The following CNBD1 variants were observed in gnomAD, a reference collection of about 807,000 sequenced individuals.
The protein encoded by CNBD1 is cyclic nucleotide-binding domain-containing protein 1.
A neutral mutation model predicts 54.4 loss-of-function variants in CNBD1; 71 were observed. The ratio of observed to expected loss-of-function variants is 1.30; its 90% CI spans 1.08 to 1.59. The LOEUF (loss-of-function observed/expected upper bound fraction) is 1.59, where lower values mean the gene tolerates loss of function less well. Among genes scored for constraint, CNBD1 ranks in the 40% most tolerant of loss-of-function variants. The probability of loss-of-function intolerance (pLI) is 0.00; values close to 1 mark genes in which losing one functional copy is unlikely to be tolerated. For synonymous variants in CNBD1, 182 were observed against 170.7 expected (o/e 1.07, Z -0.51); for missense variants, 659 against 518.0 (o/e 1.27, Z -2.64).
intron 4 of CNBD1, among the ~76,000 whole-genome samples, chr8:87,190,367 G>A (rs965336586): frequency 1.3e-5 from 2 of 152,064 alleles, no homozygotes; most frequent in Non-Finnish European, 2.9e-5. Flanking sequence ...CCCAGCTGAT[G>A]ACCTAAATTT....
chr8:87,153,885 T>C (rs558227509), intron 4 of CNBD1, among the ~76,000 whole-genome samples: 4 of 152,086 alleles, frequency 2.6e-5, no homozygotes, highest in African/African-American at 9.6e-5. Context: ...ATAAGTAAGG[T>C]GGTTAAGTAA....
At chr8:87,113,625 A>G (rs1172611079) in intron 4 of CNBD1, among the ~76,000 whole-genome samples, 2 of 152,306 alleles carry the variant, frequency 1.3e-5, no homozygotes, top group South Asian at 2.1e-4. Context: ...ACTTACCTCA[A>G]AAAGAAATGA....
intron 2 of CNBD1, among the ~76,000 whole-genome samples, chr8:86,891,632 G>A (rs914187933): frequency 6.6e-6 from 1 of 152,008 alleles, no homozygotes; most frequent in African/African-American, 2.4e-5. Flanking sequence ...GATGACATTG[G>A]AATTGTGATA....
intron 2 of CNBD1, among the ~76,000 whole-genome samples, chr8:87,416,085 T>C (rs375427205): frequency 7.9e-5 from 12 of 152,068 alleles, no homozygotes; most frequent in African/African-American, 2.6e-4. Context: ...AATACAACAA[T>C]GTTCTCAGAA....
At chr8:87,013,156 C>T (rs771596591) in intron 4 of CNBD1, among the ~76,000 whole-genome samples, 2 of 152,206 alleles carry the variant, frequency 1.3e-5, no homozygotes, top group Non-Finnish European at 2.9e-5. Flanking sequence ...AATTCAAGCT[C>T]CTCCTCCAGT....
chr8:87,257,369 C>CAAAAAAAAAAAAAAAAAAA (rs771338208), intron 6 of CNBD1, among the ~76,000 whole-genome samples: 6 of 67,516 alleles, frequency 8.9e-5, no homozygotes, highest in Non-Finnish European at 1.8e-4. Flanking sequence ...AACTCTATCG[C>CAAAAAAAAAAAAAAAAAAA]AAAAAAAAAA....
intron 4 of CNBD1, among the ~76,000 whole-genome samples, chr8:86,971,979 G>A (rs960605455): frequency 2.1e-4 from 32 of 151,248 alleles, no homozygotes; most frequent in Admixed American, 1.1e-3. Context: ...TTGAGACAGG[G>A]TCTCATTCTG....
At chr8:87,357,176 C>A (rs943885875) in intron 10 of CNBD1, among the ~76,000 whole-genome samples, 1 of 152,186 alleles carries the variant, frequency 6.6e-6, no homozygotes, top group African/African-American at 2.4e-5. Flanking sequence ...CCACAGAGAG[C>A]CTCTATAAGA....
At chr8:87,337,950 T>G (rs912577876) in intron 8 of CNBD1, among the ~76,000 whole-genome samples, 1 of 151,990 alleles carries the variant, frequency 6.6e-6, no homozygotes, top group Non-Finnish European at 1.5e-5. Context: ...GTTTTCTATT[T>G]GTCACCCTTG....
intron 10 of CNBD1, among the ~76,000 whole-genome samples, chr8:87,370,556 C>T (rs1810760184): frequency 6.6e-6 from 1 of 151,964 alleles, no homozygotes. Context: ...TGTCCTTTGC[C>T]CACTTTTTGA....
chr8:86,942,220 A>G (rs533083440), intron 4 of CNBD1, among the ~76,000 whole-genome samples: 2 of 152,290 alleles, frequency 1.3e-5, no homozygotes, highest in East Asian at 1.9e-4. Context: ...TCCACAATCT[A>G]TGTTTGTTCT....
chr8:87,145,455 C>A (rs1812463583), intron 4 of CNBD1, among the ~76,000 whole-genome samples: 1 of 151,918 alleles, frequency 6.6e-6, no homozygotes, highest in South Asian at 2.1e-4. Flanking sequence ...AATGAAATAA[C>A]CCCAGATCCC....
chr8:87,135,091 T>C (rs1346714069), intron 4 of CNBD1, among the ~76,000 whole-genome samples: 4 of 152,124 alleles, frequency 2.6e-5, no homozygotes, highest in African/African-American at 4.8e-5. Flanking sequence ...TTTCCATTTA[T>C]AATGAGAAAC....
intron 5 of CNBD1, among the ~76,000 whole-genome samples, chr8:87,217,241 C>T (rs1277404782): frequency 6.6e-6 from 1 of 151,666 alleles, no homozygotes. Context: ...ATAAATAGAC[C>T]AAAAGTCAAA....
At position 87,208,410 on chromosome 8, in the gene CNBD1, TTAA is replaced by T. The variant is rs577742921; in HGVS notation, c.577+2275_577+2277del. Among the ~76,000 whole-genome samples the T allele has an allele frequency of 8.1e-4, 123 of 151,874 alleles. 1 individual carries two copies. Among genetic ancestry groups the T allele is most frequent in the African/African-American group, 2.8e-3 (117 of 41,492 alleles). ...ATTATTATATTATTTACTGACTATA[TTAA>T]TATTACTATATATGAGTACTTATAT... On this transcript the variant is annotated intron_variant, in intron 5 of 10. Coordinates refer to ENST00000518476, the MANE Select transcript of CNBD1 (RefSeq NM_173538.3).
At chr8:87,139,039 TG>T (rs1242214268) in intron 4 of CNBD1, among the ~76,000 whole-genome samples, 1 of 152,212 alleles carries the variant, frequency 6.6e-6, no homozygotes, top group Non-Finnish European at 1.5e-5. Flanking sequence ...GTTGGCATAG[TG>T]GCCTCTTTTG....
chr8:86,959,643 G>T (rs1048088033), intron 4 of CNBD1, among the ~76,000 whole-genome samples: 1 of 152,068 alleles, frequency 6.6e-6, no homozygotes, highest in East Asian at 1.9e-4. Context: ...GATTGAATCG[G>T]CTACTAAAGC....
At chr8:86,970,818 T>C (rs1308127182) in intron 4 of CNBD1, among the ~76,000 whole-genome samples, 2 of 152,230 alleles carry the variant, frequency 1.3e-5, no homozygotes, top group African/African-American at 4.8e-5. Flanking sequence ...TGGCATTTCA[T>C]TGTTTACACA....
chr8:87,092,456 T>C (rs568168109), intron 4 of CNBD1, among the ~76,000 whole-genome samples: 3 of 138,790 alleles, frequency 2.2e-5, no homozygotes, highest in African/African-American at 3.2e-5. Context: ...TATATACACA[T>C]ATGTGTGTGT....
Sources: allele counts gnomAD v4.1 joint callset (sites outside exome capture counted in the v4.1 genomes callset), GRCh38; gene constraint gnomAD v4.1.1; transcripts MANE v1.5; gene names NCBI Gene and HGNC (gene_info 2026-07-23, HGNC 2026-07-21).